SPOCK3: variants seen among roughly 807,000 people sequenced by gnomAD.
The protein encoded by SPOCK3 is testican-3.
Under a neutral mutation model 56.6 loss-of-function variants are expected in SPOCK3, and 30 were observed. The ratio of observed to expected loss-of-function variants is 0.53; its 90% CI spans 0.40 to 0.72. The LOEUF (loss-of-function observed/expected upper bound fraction) is 0.72. Ranked by LOEUF, SPOCK3 falls within the 30% of genes least tolerant of loss-of-function variation. The pLI is 0.00. For missense variants in SPOCK3, 527 were observed against 530.0 expected, an observed-to-expected ratio of 0.99 and a Z score of 0.06; for synonymous variants, 196 against 183.3, an observed-to-expected ratio of 1.07 and a Z score of -0.56.
At chr4:167,086,469 C>A (rs1408347478) in intron 2 of SPOCK3, among the ~76,000 whole-genome samples, 1 of 152,064 alleles carries the variant, frequency 6.6e-6, no homozygotes, top group Admixed American at 6.6e-5. Context: ...TAAAAAGGAT[C>A]TGGCTTTGGA....
chr4:167,013,413 TCTTA>T (rs1750286748), intron 3 of SPOCK3, among the ~76,000 whole-genome samples: 1 of 151,740 alleles, frequency 6.6e-6, no homozygotes, highest in South Asian at 2.1e-4. Flanking sequence ...CTTCTAAATT[TCTTA>T]ATAAAATAAA....
chr4:166,806,204 C>T (rs1743150672), intron 6 of SPOCK3, among the ~76,000 whole-genome samples: 1 of 151,868 alleles, frequency 6.6e-6, no homozygotes, highest in African/African-American at 2.4e-5. Context: ...AATTTGAATC[C>T]ACAGATTAGA....
chr4:166,737,117 GA>G, intron 10 of SPOCK3, among the ~76,000 whole-genome samples: 1 of 152,184 alleles, frequency 6.6e-6, no homozygotes. Context: ...GGTGTCATCT[GA>G]AGACACGATA....
intron 2 of SPOCK3, among the ~76,000 whole-genome samples, chr4:167,124,887 G>T (rs528166469): frequency 1.3e-5 from 2 of 152,116 alleles, no homozygotes; most frequent in Admixed American, 6.6e-5. Context: ...CCTTGCTATA[G>T]CACAATAAGG....
At chr4:166,996,412 T>C (rs915505067) in intron 4 of SPOCK3, among the ~76,000 whole-genome samples, 2 of 152,160 alleles carry the variant, frequency 1.3e-5, no homozygotes, top group Non-Finnish European at 2.9e-5. Context: ...TTGTTCACAA[T>C]ATACAAAAAC....
intron 3 of SPOCK3, among the ~76,000 whole-genome samples, chr4:167,054,094 G>A (rs1754518481): frequency 6.6e-6 from 1 of 152,072 alleles, no homozygotes; most frequent in Non-Finnish European, 1.5e-5. Context: ...TTTCACCTTA[G>A]GACACCTAGA....
At chr4:167,149,786 C>T (rs919731705) in intron 2 of SPOCK3, among the ~76,000 whole-genome samples, 19 of 151,104 alleles carry the variant, frequency 1.3e-4, no homozygotes, top group African/African-American at 4.4e-4. Context: ...TTGTAGAGAA[C>T]GTTCCACATT....
At chr4:166,983,034 C>G (rs1340871372) in intron 4 of SPOCK3, among the ~76,000 whole-genome samples, 1 of 152,100 alleles carries the variant, frequency 6.6e-6, no homozygotes, top group Non-Finnish European at 1.5e-5. Context: ...CAACTATATA[C>G]TATACATACA....
At chr4:166,794,796 C>T (rs534199753) in intron 6 of SPOCK3, among the ~76,000 whole-genome samples, 1 of 151,854 alleles carries the variant, frequency 6.6e-6, no homozygotes, top group Admixed American at 6.6e-5. Flanking sequence ...GCCCCCGCCA[C>T]CAGGCCCAGC....
chr4:167,039,839 G>T lies in SPOCK3; in HGVS notation c.235+22653C>A, dbSNP rs551709355. Among the ~76,000 whole-genome samples the T allele has an allele frequency of 1.2e-4, 18 of 152,284 alleles. No homozygotes were observed. The South Asian group carries it at 3.3e-3, about 28-fold the overall frequency. On this transcript the variant is annotated intron_variant, in intron 3 of 10. Coordinates refer to ENST00000357545, the MANE Select transcript of SPOCK3 (RefSeq NM_001040159.2). The stretch of plus-strand genomic sequence containing the variant: ...ATGTTATGTATATATACCACACAAA[G>T]TTGTATAAACAATTAAGACACCTTG...
chr4:167,139,369 T>C (rs1365387874), intron 2 of SPOCK3, among the ~76,000 whole-genome samples: 1 of 151,988 alleles, frequency 6.6e-6, no homozygotes, highest in Non-Finnish European at 1.5e-5. Context: ...AAATGTTAAA[T>C]GTGTTTATAA....
intron 7 of SPOCK3, among the ~76,000 whole-genome samples, chr4:166,781,505 T>C (rs1377478774): frequency 6.6e-6 from 1 of 151,756 alleles, no homozygotes; most frequent in Non-Finnish European, 1.5e-5. Context: ...AAAACAGAAC[T>C]TAATAGAGCT....
At chr4:167,121,718 C>A (rs925413590) in intron 2 of SPOCK3, among the ~76,000 whole-genome samples, 6 of 152,112 alleles carry the variant, frequency 3.9e-5, no homozygotes, top group Non-Finnish European at 1.5e-5. Context: ...CATTTCCTCA[C>A]CCTTAGAGAA....
chr4:166,810,256 T>C (rs1054742792), intron 6 of SPOCK3, among the ~76,000 whole-genome samples: 3 of 152,080 alleles, frequency 2.0e-5, no homozygotes, highest in African/African-American at 7.2e-5. Context: ...GACATGTGCA[T>C]AAGCCAATAA....
intron 2 of SPOCK3, among the ~76,000 whole-genome samples, chr4:167,197,308 T>C (rs534464911): frequency 6.6e-6 from 1 of 152,276 alleles, no homozygotes; most frequent in African/African-American, 2.4e-5. Context: ...ATTTCAATAA[T>C]ATAGATTAAG....
intron 3 of SPOCK3, among the ~76,000 whole-genome samples, chr4:167,054,731 A>C (rs1229019006): frequency 6.6e-6 from 1 of 152,214 alleles, no homozygotes; most frequent in Non-Finnish European, 1.5e-5. Context: ...AAACTGGAAA[A>C]ATGATTGATT....
chr4:166,910,846 C>T (rs1357411413), intron 5 of SPOCK3, among the ~76,000 whole-genome samples: 1 of 152,022 alleles, frequency 6.6e-6, no homozygotes, highest in South Asian at 2.1e-4. Flanking sequence ...AATCTCTCTA[C>T]CACTGACTCA....
chr4:167,196,800 G>A (rs968379772), intron 2 of SPOCK3, among the ~76,000 whole-genome samples: 2 of 152,014 alleles, frequency 1.3e-5, no homozygotes, highest in Non-Finnish European at 2.9e-5. Flanking sequence ...TTGTCAGATG[G>A]TCCTCACACA....
chr4:167,101,285 C>A (rs1759619108), intron 2 of SPOCK3, among the ~76,000 whole-genome samples: 1 of 152,090 alleles, frequency 6.6e-6, no homozygotes, highest in Non-Finnish European at 1.5e-5. Flanking sequence ...GTTCTCCAAA[C>A]CCTTCTTGTT....
Sources: allele counts gnomAD v4.1 joint callset (sites outside exome capture counted in the v4.1 genomes callset), GRCh38; gene constraint gnomAD v4.1.1; transcripts MANE v1.5; gene names NCBI Gene and HGNC (gene_info 2026-07-23, HGNC 2026-07-21).